The following FOXP2 variants were observed in gnomAD, a reference collection of about 807,000 sequenced individuals.
FOXP2 encodes forkhead box P2.
A neutral mutation model predicts 115.8 loss-of-function variants in FOXP2; 12 were observed. The ratio of observed to expected loss-of-function variants is 0.10; its 90% CI spans 0.07 to 0.17. The LOEUF is 0.17. FOXP2 is among the 10% of genes least tolerant of loss of function. FOXP2 has a pLI of 1.00. For missense variants in FOXP2, 629 were observed against 843.5 expected (o/e 0.75, Z 3.15); for synonymous variants, 328 against 297.7 (o/e 1.10, Z -1.05).
intron 3 of FOXP2, among the ~76,000 whole-genome samples, chr7:114,536,274 T>C (rs1584865886): frequency 6.6e-6 from 1 of 151,684 alleles, no homozygotes; most frequent in East Asian, 1.9e-4. Flanking sequence ...ATCATATTTC[T>C]TGACAAAATA....
At chr7:114,376,108 A>G (rs1455395414) in intron 2 of FOXP2, among the ~76,000 whole-genome samples, 1 of 152,164 alleles carries the variant, frequency 6.6e-6, no homozygotes. Context: ...ACTCACCATC[A>G]TGTTTCAGAC....
chr7:114,414,277 ATC>A (rs1793245803), upstream of FOXP2: 1 of 152,124 alleles, frequency 6.6e-6, no homozygotes, highest in African/African-American at 2.4e-5. Flanking sequence ...TTTCTTTTGC[ATC>A]TGCTGTGTAC....
At chr7:114,434,388 T>C (rs920192358) in intron 2 of FOXP2, among the ~76,000 whole-genome samples, 2 of 143,568 alleles carry the variant, frequency 1.4e-5, no homozygotes, top group South Asian at 4.8e-4. Context: ...TCATTTTCAA[T>C]AGTCCATTCA....
intron 7 of FOXP2, among the ~76,000 whole-genome samples, chr7:114,643,743 A>G (rs569732037): frequency 4.6e-5 from 7 of 152,132 alleles, no homozygotes; most frequent in Admixed American, 2.0e-4. Flanking sequence ...TGAAAAATCT[A>G]TTTTTGAAAG....
chr7:114,197,656 G>A (rs957158409), intron 1 of FOXP2, among the ~76,000 whole-genome samples: 1 of 152,230 alleles, frequency 6.6e-6, no homozygotes, highest in Admixed American at 6.5e-5. Flanking sequence ...AAAACAAGAT[G>A]TGATGCTAAA....
rs1330529378 is a variant in FOXP2 at position 114,644,713 on chromosome 7, C to T, written c.1018C>T (p.His340Tyr). Residue 340 changes from histidine to tyrosine, a missense_variant, in exon 8 of 17, where the codon CAC (histidine) becomes TAC (tyrosine). Transcript: ENST00000350908. ...SSSHEETGAS[H>Y]TLYGHGVCKW... ...GTCACATGAGGAGACTGGGGCCTCT[C>T]ACACTCTCTATGGCCATGGAGTTTG... 1.2e-6 allele frequency: 2 copies of T among 1,613,836 alleles called. No individual in the cohort carries two copies. Among genetic ancestry groups the T allele is most frequent in the Non-Finnish European group, 1.7e-6 (2 of 1,179,912 alleles).
chr7:114,155,782 A>G (rs1792650697), intron 1 of FOXP2, among the ~76,000 whole-genome samples: 1 of 152,238 alleles, frequency 6.6e-6, no homozygotes, highest in Middle Eastern at 3.4e-3. Context: ...AGTTTATTAA[A>G]ACGTTTTCGA....
chr7:114,672,023 A>G (rs1324169632), intron 16 of FOXP2, among the ~76,000 whole-genome samples: 1 of 152,200 alleles, frequency 6.6e-6, no homozygotes, highest in African/African-American at 2.4e-5. Flanking sequence ...ATAGCATTAA[A>G]TAATTTATAT....
At chr7:114,496,370 C>CA (rs1554405129) in intron 2 of FOXP2, among the ~76,000 whole-genome samples, 2 of 151,902 alleles carry the variant, frequency 1.3e-5, no homozygotes, top group Non-Finnish European at 2.9e-5. Context: ...AAATTATTCA[C>CA]AAAAAATTAA....
intron 1 of FOXP2, among the ~76,000 whole-genome samples, chr7:114,261,176 T>C (rs1004583412): frequency 6.6e-6 from 1 of 152,202 alleles, no homozygotes; most frequent in African/African-American, 2.4e-5. Flanking sequence ...TATAAGTCTC[T>C]TTGAGCTCAT....
chr7:114,383,659 G>T (rs1011541543), intron 2 of FOXP2, among the ~76,000 whole-genome samples: 1 of 152,180 alleles, frequency 6.6e-6, no homozygotes, highest in Non-Finnish European at 1.5e-5. Context: ...CCCCCTTGAA[G>T]AGGATATCGT....
intron 2 of FOXP2, among the ~76,000 whole-genome samples, chr7:114,394,941 G>A (rs972567438): frequency 1.1e-4 from 17 of 152,186 alleles, no homozygotes; most frequent in Non-Finnish European, 2.4e-4. Flanking sequence ...GCATTAGATC[G>A]TGTGAATAAT....
chr7:114,425,902 G>A (rs1053638016), intron 1 of FOXP2, among the ~76,000 whole-genome samples: 1 of 151,594 alleles, frequency 6.6e-6, no homozygotes, highest in Non-Finnish European at 1.5e-5. Context: ...TGCAGCAGGA[G>A]CTTTTTCTTA....
intron 2 of FOXP2, among the ~76,000 whole-genome samples, chr7:114,512,666 G>C (rs1798131903): frequency 6.6e-6 from 1 of 152,172 alleles, no homozygotes; most frequent in Non-Finnish European, 1.5e-5. Flanking sequence ...GAACTGAATG[G>C]AGAATAGGAT....
Position 114,255,074 on chromosome 7 carries a change from C to G in FOXP2, c.-101-32945C>G, listed in dbSNP as rs529668328. Among the ~76,000 whole-genome samples, 8 of 152,292 alleles carry G rather than the reference C, an allele frequency of 5.3e-5. No homozygotes were observed. The East Asian group carries it at 5.8e-4, about 11-fold the overall frequency. On this transcript the variant is annotated intron_variant, in intron 1 of 17. Transcript: ENST00000634411. ...GAGGTCCACTCCAGACCCTGTTTGC[C>G]TGGGTATCAGCAGTGGAGGCTGCAG... is the stretch of plus-strand genomic sequence containing the variant.
chr7:114,393,758 T>A (rs1792667485), intron 2 of FOXP2, among the ~76,000 whole-genome samples: 1 of 151,962 alleles, frequency 6.6e-6, no homozygotes. Context: ...AGGTGAGAAA[T>A]GAGTTGTACA....
intron 1 of FOXP2, among the ~76,000 whole-genome samples, chr7:114,211,677 G>A (rs1475331064): frequency 3.3e-5 from 5 of 152,300 alleles, no homozygotes; most frequent in Non-Finnish European, 5.9e-5. Flanking sequence ...TTAATCAAAA[G>A]TGGCTTTAGG....
chr7:114,112,739 G>A (rs1372070114), intron 1 of FOXP2, among the ~76,000 whole-genome samples: 1 of 152,154 alleles, frequency 6.6e-6, no homozygotes, highest in African/African-American at 2.4e-5. Context: ...AAGGAACACC[G>A]GTGGGAAACC....
At chr7:114,451,867 T>C (rs1374223959) in intron 2 of FOXP2, among the ~76,000 whole-genome samples, 1 of 151,960 alleles carries the variant, frequency 6.6e-6, no homozygotes, top group East Asian at 1.9e-4. Flanking sequence ...GGAGCAAAAT[T>C]GTAGAAGGGT....
Sources: gnomAD v4.1 joint callset for allele counts (sites outside exome capture counted in the v4.1 genomes callset) on GRCh38, gnomAD v4.1.1 for gene constraint, MANE v1.5 for transcripts, NCBI Gene and HGNC (gene_info 2026-07-23, HGNC 2026-07-21) for gene names.